The following RRP12 variants were observed in gnomAD, a reference collection of about 807,000 sequenced individuals.
RRP12 encodes RRP12-like protein.
In RRP12, 78 loss-of-function variants were observed where a neutral mutation model predicts 157.3. The observed-to-expected ratio is 0.50, with a 90% confidence interval of 0.41 to 0.60. The LOEUF (loss-of-function observed/expected upper bound fraction) is 0.60. RRP12 is among the 20% of genes least tolerant of loss of function. The pLI is 0.00. For missense variants in RRP12, 1,521 were observed against 1,679.9 expected (o/e 0.91, Z 1.65); for synonymous variants, 726 against 670.9 (o/e 1.08, Z -1.27).
rs765361093 is a variant in RRP12 at position 97,373,722 on chromosome 10, G to A, written c.1879C>T (p.Pro627Ser). Residue 627 changes from proline (P) to serine (S), a missense_variant, in exon 17 of 34, where the codon CCT (proline) becomes TCT (serine). By Grantham distance (74) the Pro-to-Ser change is moderately conservative. Coordinates refer to ENST00000370992, the MANE Select transcript of RRP12 (RefSeq NM_015179.4). Reference protein sequence around the residue: ...TLQWQMWTLLPGFCTRPTDVA... With the variant: ...TLQWQMWTLLSGFCTRPTDVA... ...TCTGTAGGCCTTGTGCAGAACCCAG[G>A]CAGGAGTGTCCACATCTGGAGAAGG... 1.2e-6 allele frequency: 2 copies of A among 1,613,084 alleles called. No homozygotes were observed. Among genetic ancestry groups the A allele is most frequent in the Admixed American group, 1.7e-5 (1 of 59,968 alleles).
At chr10:97,374,139 A>G (rs1844238902) in intron 15 of RRP12, among the ~76,000 whole-genome samples, 1 of 152,074 alleles carries the variant, frequency 6.6e-6, no homozygotes, top group Admixed American at 6.6e-5. Flanking sequence ...TTACTTTTTT[A>G]TACTTCTTTA....
intron 15 of RRP12, among the ~76,000 whole-genome samples, chr10:97,376,232 T>TG (rs1290740265): frequency 6.9e-6 from 1 of 145,376 alleles, no homozygotes; most frequent in Non-Finnish European, 1.5e-5. Context: ...TTTTTTTTTT[T>TG]GAGATGAAGT....
intron 30 of RRP12, 48 bp from the exon 31 acceptor site, chr10:97,360,666 C>T (rs772303108): frequency 2.1e-6 from 3 of 1,444,906 alleles, no homozygotes; most frequent in Non-Finnish European, 2.9e-6. Flanking sequence ...GGGATGTGCC[C>T]ACCCTCGGGA....
In RRP12 at chr10:97,381,769, G is replaced by A. The variant is rs766939518; in HGVS notation, c.1266C>T (p.Thr422=). 3 of 1,614,178 alleles carry A rather than the reference G, an allele frequency of 1.9e-6. No individual in the cohort carries two copies. Among genetic ancestry groups the A allele is most frequent in the East Asian group, 2.2e-5 (1 of 44,874 alleles). ...HLPRFFGTAV[T]CLLSPHSQVL... ...CTTGCGAGTGTGGGGAAAGGAGGCA[G>A]GTCACCGCAGTTCCAAAAAAGCGAG... is the stretch of plus-strand genomic sequence containing the variant. Residue 422 remains threonine, a synonymous_variant, in exon 11 of 34, where the codon ACC becomes ACT. Transcript: ENST00000370992.
In RRP12 at chr10:97,367,099, G is replaced by A. The variant is rs773783036; in HGVS notation, c.2989C>T (p.Arg997Trp). The A allele has an allele frequency of 1.5e-5, 24 of 1,614,058 alleles. No homozygotes were observed. Among genetic ancestry groups the A allele is most frequent in the South Asian group, 4.4e-5 (4 of 91,092 alleles). Residue 997 changes from arginine (R) to tryptophan (W), a missense_variant, in exon 26 of 34, where the codon CGG becomes TGG. Transcript: ENST00000370992. ...EAIGKLSDDM[R>W]RHFRMKLRNL... ...CGAAGCTTCATGCGGAAGTGCCGCC[G>A]CATGTCATCTGAAAGCTTCCCAATG...
At position 97,375,798 on chromosome 10, in the gene RRP12, C is replaced by T. The variant is rs141271280; in HGVS notation, c.1799-1904G>A. Reference sequence around the variant, plus strand: ...ATTCCAACAGAGTAGAAATACAATACTATTTTTACACAGAAAAAAATGCAG... The same window carrying T: ...ATTCCAACAGAGTAGAAATACAATATTATTTTTACACAGAAAAAAATGCAG... On this transcript the variant is annotated intron_variant, in intron 15 of 33. Transcript: ENST00000370992. 9.1e-3 allele frequency among the ~76,000 whole-genome samples: 1,381 copies of T among 152,244 alleles called. 27 individuals carry two copies. Among genetic ancestry groups the T allele is most frequent in the African/African-American group, 0.031 (1,307 of 41,556 alleles).
intron 21 of RRP12, 42 bp downstream of exon 21, chr10:97,370,881 C>A (rs1355956609): frequency 1.1e-5 from 17 of 1,611,716 alleles, no homozygotes; most frequent in Non-Finnish European, 1.4e-5. Context: ...CCTGGTGTTG[C>A]CCAGGCTCCC....
At position 97,366,099 on chromosome 10, in the gene RRP12, T is replaced by G. The variant is rs774006229; in HGVS notation, c.3517+9A>C. On this transcript the variant is annotated intron_variant, in intron 29 of 33. Coordinates refer to ENST00000370992, the MANE Select transcript of RRP12 (RefSeq NM_015179.4). ...ACGGTGAATGAATGGACAAGCGCGT[T>G]GGGCCCACCTTTGGCACCTTCCTCT... 6.2e-7 allele frequency: 1 copy of G among 1,601,548 alleles called. No individual in the cohort carries two copies. Among genetic ancestry groups the G allele is most frequent in the Non-Finnish European group, 8.5e-7 (1 of 1,179,880 alleles).
intron 15 of RRP12, among the ~76,000 whole-genome samples, chr10:97,377,852 AAAAAAAAAAG>A (rs1437841355): frequency 2.6e-5 from 4 of 151,796 alleles, no homozygotes; most frequent in East Asian, 1.9e-4. Context: ...CTCAAAAAAA[AAAAAAAAAAG>A]AAAAAAAAAG....
At chr10:97,380,701 G>A (rs1844441579) in intron 13 of RRP12, 98 bp downstream of exon 13, 3 of 848,982 alleles carry the variant, frequency 3.5e-6, no homozygotes, top group Middle Eastern at 2.2e-4. Flanking sequence ...GGGGTGCGGA[G>A]CAGGGTGCAG....
intron 10 of RRP12, among the ~76,000 whole-genome samples, chr10:97,382,596 C>T (rs1052764130): frequency 2.6e-5 from 4 of 152,124 alleles, no homozygotes; most frequent in African/African-American, 9.7e-5. Context: ...TGCCCAAGGC[C>T]ACCCAGCTTG....
In RRP12 at chr10:97,369,365, G is replaced by C; in HGVS notation, c.2955+60C>G. ...ACTTGCTGGCCTCGAAGCTTGCCAG[G>C]TCCATGCCAACAGCTCAGAGGCCAC... On this transcript the variant is annotated intron_variant, in intron 25 of 33. Coordinates refer to ENST00000370992, the MANE Select transcript of RRP12 (RefSeq NM_015179.4). The C allele has an allele frequency of 3.2e-6, 5 of 1,553,274 alleles. 1 individual carries two copies. The South Asian group carries it at 4.6e-5, about 14-fold the overall frequency.
Position 97,360,667 on chromosome 10 carries a change from A to G in RRP12, c.3568-49T>C, listed in dbSNP as rs780244487. 15 of 1,427,270 alleles carry G rather than the reference A, an allele frequency of 1.1e-5. No individual in the cohort carries two copies. The Admixed American group carries it at 1.3e-4, about 13-fold the overall frequency. 88.4% of individuals were successfully genotyped at this position (1,427,270 alleles called of 1,614,324 possible). ...AGTGAGTGAACCAGGGGATGTGCCC[A>G]CCCTCGGGAATGCCAACAGTAACAG... On this transcript the variant is annotated intron_variant, in intron 30 of 33. Transcript: ENST00000370992.
intron 15 of RRP12, among the ~76,000 whole-genome samples, chr10:97,376,219 T>C (rs1349068729): frequency 1.4e-5 from 2 of 140,398 alleles, no homozygotes; most frequent in Admixed American, 7.0e-5. Flanking sequence ...TTTCTTTTTT[T>C]TTTTTTTTTT....
chr10:97,379,479 TA>T, intron 14 of RRP12, 65 bp from the exon 15 acceptor site: 1 of 1,607,058 alleles, frequency 6.2e-7, no homozygotes, highest in Non-Finnish European at 8.5e-7. Flanking sequence ...GTGCATAGCA[TA>T]CTGAGCCCAG....
Position 97,379,394 on chromosome 10 carries a change from C to T in RRP12, c.1697G>A (p.Arg566Gln), listed in dbSNP as rs764584638. 1.4e-5 allele frequency: 23 copies of T among 1,613,958 alleles called. No individual in the cohort carries two copies. Among genetic ancestry groups the T allele is most frequent in the South Asian group, 2.2e-5 (2 of 91,072 alleles). Residue 566 changes from arginine to glutamine, a missense_variant, in exon 15 of 34, where the codon CGG becomes CAG. Arg to Gln is a conservative substitution (Grantham distance 43). Coordinates refer to ENST00000370992, the MANE Select transcript of RRP12 (RefSeq NM_015179.4). ...DGSEETLDFPRSWLLPVIRDH... is the reference protein window; with the variant it reads ...DGSEETLDFPQSWLLPVIRDH... Reference sequence around the variant, plus strand: ...TCGGATGACAGGCAGCAGCCAGCTCCGTGGGAAATCCAGAGTCTCCCTGGG... The same window carrying T: ...TCGGATGACAGGCAGCAGCCAGCTCTGTGGGAAATCCAGAGTCTCCCTGGG...
At position 97,379,629 on chromosome 10, in the gene RRP12, C is replaced by T. The variant is rs765635019; in HGVS notation, c.1675G>A (p.Glu559Lys). The T allele has an allele frequency of 6.8e-6, 11 of 1,613,722 alleles. No individual in the cohort carries two copies. The Admixed American group carries it at 1.7e-4, about 24-fold the overall frequency. Reference sequence around the variant, plus strand: ...GAAGCCAGCCAGGGCCACACTTACTCAGAGCCATCAATTTCCAAAGGCACA... The same window carrying T: ...GAAGCCAGCCAGGGCCACACTTACTTAGAGCCATCAATTTCCAAAGGCACA... ...QAVPLEIDGSEETLDFPRSWL... is the reference protein window; with the variant it reads ...QAVPLEIDGSKETLDFPRSWL... Residue 559 changes from glutamate to lysine, a missense_variant and splice_region_variant, in exon 14 of 34, where the codon GAG becomes AAG. By Grantham distance (56) the Glu-to-Lys change is moderately conservative. Transcript: ENST00000370992.
chr10:97,362,170 T>C (rs1458005873), intron 30 of RRP12, among the ~76,000 whole-genome samples: 2 of 150,344 alleles, frequency 1.3e-5, no homozygotes, highest in African/African-American at 4.9e-5. Context: ...GGGGTCTCAG[T>C]GGCAGGAGCC....
At chr10:97,371,299 C>T (rs912007171) in intron 20 of RRP12, 24 of 600,664 alleles carry the variant, frequency 4.0e-5, no homozygotes, top group African/African-American at 3.5e-4. Context: ...ATCCACTCCA[C>T]TCACCCAGCT....
Sources: gnomAD v4.1 joint callset for allele counts (sites outside exome capture counted in the v4.1 genomes callset) on GRCh38, gnomAD v4.1.1 for gene constraint, MANE v1.5 for transcripts, NCBI Gene and HGNC (gene_info 2026-07-23, HGNC 2026-07-21) for gene names.